The following TBX1 variants were observed in gnomAD, a reference collection of about 807,000 sequenced individuals.
The protein encoded by TBX1 is T-box transcription factor 1, also known as T-box transcription factor TBX1.
Under a neutral mutation model 40.8 loss-of-function variants are expected in TBX1, and 16 were observed. The ratio of observed to expected loss-of-function variants is 0.39; its 90% CI spans 0.27 to 0.60. The LOEUF is 0.60. Among genes scored for constraint, TBX1 ranks in the 20% least tolerant of loss-of-function variants. The probability of loss-of-function intolerance (pLI) is 0.51; values close to 1 mark genes in which losing one functional copy is unlikely to be tolerated. For missense variants in TBX1, 755 were observed against 728.5 expected (o/e 1.04, Z -0.42); for synonymous variants, 403 against 336.8 (o/e 1.20, Z -2.15).
chr22:19,771,588 A>G (rs775087156), downstream of TBX1, among the ~76,000 whole-genome samples: 1 of 152,212 alleles, frequency 6.6e-6, no homozygotes, highest in Non-Finnish European at 1.5e-5. Context: ...TCAATTGCAC[A>G]AAGTAAGCAC....
At chr22:19,774,388 G>A (rs1031772507) in intron 8 of TBX1, among the ~76,000 whole-genome samples, 2 of 152,202 alleles carry the variant, frequency 1.3e-5, no homozygotes, top group Non-Finnish European at 2.9e-5. Flanking sequence ...ACGCCAGCCT[G>A]AGTGACAGAG....
chr22:19,764,141 C>G lies in TBX1; in HGVS notation c.540-14C>G, dbSNP rs1484828267. 6.2e-7 allele frequency: 1 copy of G among 1,612,646 alleles called. No homozygotes were observed. Among genetic ancestry groups the G allele is most frequent in the East Asian group, 2.2e-5 (1 of 44,870 alleles). On this transcript the variant is annotated splice_polypyrimidine_tract_variant and intron_variant, in intron 2 of 6. Coordinates refer to ENST00000649276, the MANE Select transcript of TBX1 (RefSeq NM_001379200.1). ...TCACCTCCACATGCACGACCCCACC[C>G]CGTGCCGCTCCAGGTACGCCTTCCA...
In TBX1 at chr22:19,766,625, T is replaced by C. The variant is rs1243986502; in HGVS notation, c.1273T>C (p.Tyr425His). ...ATCGGAGCCGCTGCACCACCACCCC[T>C]ACAAATATCCGGCCGCCGCCTACGA... ...GASEPLHHHP[Y>H]KYPAAAYDHY... is the part of the protein sequence containing the mutation. The change falls in exon 7 of 7, where the codon TAC (tyrosine) becomes CAC (histidine). Residue 425 changes from tyrosine to histidine, a missense_variant. This residue lies in a region of TBX1 where 412 missense variants were observed against 317.6 expected (regional missense o/e 1.30). Coordinates refer to ENST00000649276, the MANE Select transcript of TBX1 (RefSeq NM_001379200.1). 2 of 1,543,220 alleles carry C rather than the reference T, an allele frequency of 1.3e-6. No homozygotes were observed. The highest frequency in any genetic ancestry group is 1.8e-5 in the Admixed American group (1 of 54,830).
downstream of TBX1, among the ~76,000 whole-genome samples, chr22:19,767,935 A>G (rs1240226284): frequency 6.6e-6 from 1 of 152,194 alleles, no homozygotes; most frequent in Non-Finnish European, 1.5e-5. Flanking sequence ...GTCCCTACGG[A>G]GTGACCTGGC....
At chr22:19,780,595 T>C (rs1937130624), downstream of TBX1, among the ~76,000 whole-genome samples, 1 of 152,182 alleles carries the variant, frequency 6.6e-6, no homozygotes, top group Non-Finnish European at 1.5e-5. Flanking sequence ...AGAAATATCT[T>C]TGCAGCCCTG....
chr22:19,771,548 G>T (rs577889478), downstream of TBX1, among the ~76,000 whole-genome samples: 1 of 152,188 alleles, frequency 6.6e-6, no homozygotes, highest in Non-Finnish European at 1.5e-5. Context: ...AAGGGTGATG[G>T]CATTGTCAAC....
upstream of TBX1, among the ~76,000 whole-genome samples, chr22:19,760,728 C>T (rs1244855357): frequency 8.6e-6 from 1 of 116,734 alleles, no homozygotes; most frequent in Non-Finnish European, 1.7e-5. Context: ...CGGGGCCGGC[C>T]TGCGGTGTGG....
Position 19,765,894 on chromosome 22 carries a change from G to T in TBX1, c.936-8G>T, listed in dbSNP as rs753380966. On this transcript the variant is annotated splice_polypyrimidine_tract_variant and splice_region_variant and intron_variant, in intron 5 of 6. Transcript: ENST00000649276. ...CAGGCGCCGCCCTGATCCGCCTCCCGCCCGCAGGCCCCGGAACCACCGGCC... is the reference window on the plus strand; with the variant it reads ...CAGGCGCCGCCCTGATCCGCCTCCCTCCCGCAGGCCCCGGAACCACCGGCC... 8.8e-5 allele frequency: 136 copies of T among 1,544,214 alleles called. 1 individual carries two copies. In the Admixed American group the frequency reaches 2.5e-3, roughly 29 times the overall value.
chr22:19,782,900 T>C, downstream of TBX1: 1 of 1,614,124 alleles, frequency 6.2e-7, no homozygotes, highest in East Asian at 2.2e-5. Context: ...GTTTCCCCTC[T>C]CCTGGACTCC....
rs185418499 is a variant in TBX1, at chr22:19,765,183, C to A, written c.867+70C>A. On this transcript the variant is annotated intron_variant, in intron 4 of 6. Transcript: ENST00000649276. ...AAAAGCGGGTGTAATTTTCAGTTGCCGTTTGGGGACAGTGGGTCCGCTTAG... is the reference window on the plus strand; with the variant it reads ...AAAAGCGGGTGTAATTTTCAGTTGCAGTTTGGGGACAGTGGGTCCGCTTAG... The A allele has an allele frequency of 2.8e-5, 45 of 1,608,354 alleles. No individual in the cohort carries two copies. The African/African-American group carries it at 5.5e-4, about 20-fold the overall frequency.
At chr22:19,767,679 C>T (rs1411805764), downstream of TBX1, among the ~76,000 whole-genome samples, 1 of 152,252 alleles carries the variant, frequency 6.6e-6, no homozygotes, top group Admixed American at 6.5e-5. Flanking sequence ...CTGCAGTTGT[C>T]CCTATTCTGG....
Position 19,766,780 on chromosome 22 carries a change from C to T in TBX1, c.1428C>T (p.Ala476=), listed in dbSNP as rs72646968. ...HPVSPAAAAA[A]AAAAAAAAAN... ...TGAGTCCAGCCGCCGCGGCCGCCGC[C>T]GCCGCTGCCGCAGCTGCCGCGGCCG... is the stretch of plus-strand genomic sequence containing the variant. Residue 476 remains alanine (A), a synonymous_variant, in exon 7 of 7, where the codon GCC becomes GCT. Coordinates refer to ENST00000649276, the MANE Select transcript of TBX1 (RefSeq NM_001379200.1). The T allele has an allele frequency of 6.1e-6, 9 of 1,485,136 alleles. No homozygotes were observed. Among genetic ancestry groups the T allele is most frequent in the Non-Finnish European group, 7.9e-6 (9 of 1,133,148 alleles). 92.0% of individuals were successfully genotyped at this position (1,485,136 alleles called of 1,614,324 possible). A position where few individuals can be genotyped will look rare whatever the true frequency, so the allele number is the denominator to read the frequency against.
Position 19,766,821 on chromosome 22 carries a change from C to T in TBX1, c.1469C>T (p.Ser490Leu), listed in dbSNP as rs770129913. ...AAAAAANMYS[S>L]AGAAPPGSYD... The stretch of plus-strand genomic sequence containing the variant: ...GCCGCGGCCGCCAACATGTACTCGT[C>T]GGCCGGAGCCGCGCCGCCCGGCTCC... The change falls in exon 7 of 7, where the codon TCG (serine) becomes TTG (leucine). Residue 490 changes from serine (S) to leucine (L), a missense_variant. Physicochemically the swap from Ser to Leu is moderately radical, Grantham distance 145. Transcript: ENST00000649276. 7 of 1,561,150 alleles carry T rather than the reference C, an allele frequency of 4.5e-6. No individual in the cohort carries two copies. Among genetic ancestry groups the T allele is most frequent in the African/African-American group, 1.4e-5 (1 of 70,700 alleles).
chr22:19,763,824 C>G, intron 2 of TBX1: 1 of 496,256 alleles, frequency 2.0e-6, no homozygotes, highest in Non-Finnish European at 3.6e-6. Context: ...TGCCTGAGGC[C>G]CGGCAAGGCC....
Position 19,765,025 on chromosome 22 carries a change from A to G in TBX1, c.779A>G (p.Asp260Gly), listed in dbSNP as rs746486511. The change falls in exon 4 of 7, where the codon GAT becomes GGT. Residue 260 changes from aspartate to glycine, a missense_variant. Asp to Gly is a moderately conservative substitution (Grantham distance 94). This residue lies in a region of TBX1 where 144 missense variants were observed against 238.0 expected (regional missense o/e 0.61). Coordinates refer to ENST00000649276, the MANE Select transcript of TBX1 (RefSeq NM_001379200.1). The stretch of plus-strand genomic sequence containing the variant: ...GTGGTCTATGTGGACCCACGCAAAG[A>G]TAGCGAGAAATATGCCGAGGAGAAC... ...FHVVYVDPRKDSEKYAEENFK... is the reference protein window; with the variant it reads ...FHVVYVDPRKGSEKYAEENFK... 1.2e-6 allele frequency: 2 copies of G among 1,614,202 alleles called. No homozygotes were observed. The highest frequency in any genetic ancestry group is 1.1e-5 in the South Asian group (1 of 91,076).
downstream of TBX1, among the ~76,000 whole-genome samples, chr22:19,781,590 C>G (rs994536031): frequency 2.6e-5 from 4 of 152,000 alleles, no homozygotes; most frequent in Admixed American, 2.0e-4. Context: ...TGAAATGTGC[C>G]TTTCGTGTCA....
At chr22:19,762,190 G>A (rs41298802) in intron 1 of TBX1, among the ~76,000 whole-genome samples, 2,966 of 152,360 alleles carry the variant, frequency 0.019, 36 homozygotes, top group Non-Finnish European at 0.029. Flanking sequence ...TGAGGACAGC[G>A]GCAGCCCAGC....
chr22:19,766,310 C>G (rs1936839995), intron 6 of TBX1, 79 bp from the exon 7 acceptor site: 4 of 1,220,798 alleles, frequency 3.3e-6, no homozygotes, highest in Non-Finnish European at 4.1e-6. Context: ...AGCCTTCTCT[C>G]CGCCAGGGCC....
chr22:19,779,653 C>T (rs1407931023), downstream of TBX1: 12 of 933,764 alleles, frequency 1.3e-5, no homozygotes, highest in Non-Finnish European at 1.8e-5. Flanking sequence ...TCATTATAAA[C>T]ACTTCTAAAT....
Sources: allele counts gnomAD v4.1 joint callset (sites outside exome capture counted in the v4.1 genomes callset), GRCh38; gene constraint gnomAD v4.1.1; regional missense constraint gnomAD v4.1.1; transcripts MANE v1.5; gene names NCBI Gene and HGNC (gene_info 2026-07-23, HGNC 2026-07-21).